The following LANCL3 variants were observed in gnomAD, a reference collection of about 807,000 sequenced individuals.
LANCL3 encodes the protein LanC like family member 3.
In LANCL3, 19 loss-of-function variants were observed where a neutral mutation model predicts 26.5. The ratio of observed to expected loss-of-function variants is 0.72; its 90% CI spans 0.50 to 1.05. The LOEUF (loss-of-function observed/expected upper bound fraction) is 1.05, where lower values mean the gene tolerates loss of function less well. Ranked by LOEUF, LANCL3 falls within the 50% of genes least tolerant of loss-of-function variation. The probability of loss-of-function intolerance (pLI) is 0.00; values close to 1 mark genes in which losing one functional copy is unlikely to be tolerated. For missense variants in LANCL3, 318 were observed against 362.7 expected, an observed-to-expected ratio of 0.88 and a Z score of 1.00; for synonymous variants, 160 against 166.6, an observed-to-expected ratio of 0.96 and a Z score of 0.30.
chrX:37,668,597 T>A (rs1346214193), intron 4 of LANCL3: 1 of 193,210 alleles, frequency 5.2e-6, no homozygotes, highest in African/African-American at 3.1e-5. Flanking sequence ...TAACCATGAA[T>A]GGTTACAAAA....
chrX:37,666,397 C>T (rs1486136121), intron 3 of LANCL3, among the ~76,000 whole-genome samples: 1 of 112,061 alleles, frequency 8.9e-6, no homozygotes, highest in East Asian at 2.8e-4. Flanking sequence ...TTCTACAAGA[C>T]AATTTCTATC....
chrX:37,655,483 G>A (rs782385275), intron 1 of LANCL3, among the ~76,000 whole-genome samples: 2 of 112,286 alleles, frequency 1.8e-5, no homozygotes, highest in African/African-American at 3.2e-5. Context: ...GAAATGGCAA[G>A]TTTTCTAAAG....
intron 1 of LANCL3, among the ~76,000 whole-genome samples, chrX:37,598,813 G>C (rs1052345653): frequency 9.8e-5 from 11 of 112,002 alleles, no homozygotes; most frequent in Admixed American, 2.8e-4. Context: ...CAGTAGTGAT[G>C]CAGAATTTCT....
At chrX:37,593,105 A>G (rs1187409545) in intron 1 of LANCL3, among the ~76,000 whole-genome samples, 1 of 111,782 alleles carries the variant, frequency 8.9e-6, no homozygotes, top group Non-Finnish European at 1.9e-5. Context: ...AAGGTCTCCA[A>G]AAAGATACCC....
At chrX:37,671,855 G>A (rs1391819890) in intron 4 of LANCL3, among the ~76,000 whole-genome samples, 1 of 111,872 alleles carries the variant, frequency 8.9e-6, no homozygotes, top group East Asian at 2.8e-4. Context: ...GTAAGTCTTT[G>A]ATTTGAAGCT....
intron 4 of LANCL3, chrX:37,668,529 C>A: frequency 4.1e-6 from 1 of 245,557 alleles, no homozygotes; most frequent in East Asian, 6.3e-5. Flanking sequence ...AGGGGCTTCC[C>A]TGAATGCAGA....
At chrX:37,580,810 A>G (rs1556416938) in intron 1 of LANCL3, among the ~76,000 whole-genome samples, 1 of 110,963 alleles carries the variant, frequency 9.0e-6, no homozygotes, top group Non-Finnish European at 1.9e-5. Context: ...AATACTACCA[A>G]CAACTTTATA....
intron 1 of LANCL3, among the ~76,000 whole-genome samples, chrX:37,608,511 T>C (rs1467258567): frequency 8.9e-6 from 1 of 112,070 alleles, no homozygotes; most frequent in East Asian, 2.8e-4. Context: ...TGGAATTTCC[T>C]GCAGAAGGGG....
chrX:37,647,142 G>A (rs782095262), intron 1 of LANCL3, among the ~76,000 whole-genome samples: 5 of 110,616 alleles, frequency 4.5e-5, no homozygotes, highest in Non-Finnish European at 9.5e-5. Flanking sequence ...GTGCAACCCC[G>A]TCTCTACTAA....
At chrX:37,665,048 C>T (rs1926514524) in intron 3 of LANCL3, among the ~76,000 whole-genome samples, 1 of 111,713 alleles carries the variant, frequency 9.0e-6, no homozygotes, top group South Asian at 3.7e-4. Flanking sequence ...TTTTGTCTTT[C>T]TGCTAACATA....
At chrX:37,596,315 T>A (rs1344510172) in intron 1 of LANCL3, among the ~76,000 whole-genome samples, 1 of 112,135 alleles carries the variant, frequency 8.9e-6, no homozygotes, top group Non-Finnish European at 1.9e-5. Context: ...GAGAAAAATC[T>A]CCAATTCTTC....
At chrX:37,604,456 A>T (rs1556420345) in intron 1 of LANCL3, among the ~76,000 whole-genome samples, 1 of 112,072 alleles carries the variant, frequency 8.9e-6, no homozygotes, top group Non-Finnish European at 1.9e-5. Context: ...ACGACCTCAA[A>T]ACTGAGTGGC....
In LANCL3 at chrX:37,572,236, C is replaced by A; in HGVS notation, c.366C>A (p.Leu122=). The A allele has an allele frequency of 2.6e-6, 3 of 1,146,580 alleles. No individual in the cohort carries two copies. The highest frequency in any genetic ancestry group is 3.5e-6 in the Non-Finnish European group (3 of 865,719). 94.5% of individuals were successfully genotyped at this position (1,146,580 alleles called of 1,213,427 possible). ...PDADTRAAFL[L]GGAGVYAVAT... is the part of the protein sequence containing the mutation. ...CCGACACCCGCGCCGCCTTCCTGCTCGGGGGCGCGGGCGTGTACGCCGTGG... is the reference window on the plus strand; with the variant it reads ...CCGACACCCGCGCCGCCTTCCTGCTAGGGGGCGCGGGCGTGTACGCCGTGG... The change falls in exon 1 of 5, where the codon CTC becomes CTA. Residue 122 remains leucine (L), a synonymous_variant. Transcript: ENST00000378619.
intron 4 of LANCL3, among the ~76,000 whole-genome samples, chrX:37,672,800 A>C (rs1282828442): frequency 1.8e-5 from 2 of 110,868 alleles, no homozygotes; most frequent in African/African-American, 6.6e-5. Flanking sequence ...GTACATGATC[A>C]CTCCCTCACC....
At chrX:37,647,080 C>G (rs782259547) in intron 1 of LANCL3, among the ~76,000 whole-genome samples, 1 of 111,464 alleles carries the variant, frequency 9.0e-6, no homozygotes. Flanking sequence ...TTTGGGAGGC[C>G]GAGGCGGGCA....
At chrX:37,621,085 A>G (rs1925143964) in intron 1 of LANCL3, among the ~76,000 whole-genome samples, 1 of 111,710 alleles carries the variant, frequency 9.0e-6, no homozygotes, top group Non-Finnish European at 1.9e-5. Flanking sequence ...ATTTATATCC[A>G]AATTAAGAAC....
At chrX:37,592,972 A>G (rs143191255) in intron 1 of LANCL3, among the ~76,000 whole-genome samples, 102 of 112,313 alleles carry the variant, frequency 9.1e-4, no homozygotes, top group Non-Finnish European at 1.7e-3. Flanking sequence ...ATAGCAATTT[A>G]GAAATTTAAA....
intron 1 of LANCL3, among the ~76,000 whole-genome samples, chrX:37,639,209 A>G (rs782612383): frequency 9.9e-6 from 1 of 101,422 alleles, no homozygotes; most frequent in East Asian, 3.1e-4. Flanking sequence ...ACATATATAC[A>G]TGTATGTATA....
chrX:37,644,875 T>C (rs1556426521), intron 1 of LANCL3, among the ~76,000 whole-genome samples: 1 of 112,495 alleles, frequency 8.9e-6, no homozygotes, highest in Non-Finnish European at 1.9e-5. Context: ...GAGAGTCTGA[T>C]GTAATCAGTG....
Sources: allele counts gnomAD v4.1 joint callset (sites outside exome capture counted in the v4.1 genomes callset), GRCh38; gene constraint gnomAD v4.1.1; transcripts MANE v1.5; gene names NCBI Gene and HGNC (gene_info 2026-07-23, HGNC 2026-07-21).